Variants in ADAMTSL1 observed in about 807,000 individuals in gnomAD.
The protein encoded by ADAMTSL1 is ADAMTS like 1.
In ADAMTSL1, 126 loss-of-function variants were observed where a neutral mutation model predicts 201.8. The ratio of observed to expected loss-of-function variants is 0.62; its 90% confidence interval spans 0.54 to 0.72. The LOEUF is 0.72. Ranked by LOEUF, ADAMTSL1 falls within the 30% of genes least tolerant of loss-of-function variation. The pLI, the probability that ADAMTSL1 is intolerant of heterozygous loss-of-function variation, is 0.00. For missense variants in ADAMTSL1, 2,679 were observed against 2,277.8 expected, an observed-to-expected ratio of 1.18 and a Z score of -3.59; for synonymous variants, 1,121 against 903.4, an observed-to-expected ratio of 1.24 and a Z score of -4.32.
chr9:18,737,319 CAAAAAA>C lies in ADAMTSL1; in HGVS notation c.2006+15673_2006+15678del, dbSNP rs59511409. Among the ~76,000 whole-genome samples, 58 of 53,672 alleles carry C rather than the reference CAAAAAA, an allele frequency of 1.1e-3. 1 individual carries two copies. The Middle Eastern group carries it at 0.042, about 39-fold the overall frequency. The allele number at this position is 53,672 out of a possible 152,430, so 35.2% of individuals were successfully genotyped here. Reference sequence around the variant, plus strand: ...GCCCAACAAGAGTGAAACTCTGTCTCAAAAAAAAAAAAAAAAAAAAAAAAGTGAAGT... The same window carrying C: ...GCCCAACAAGAGTGAAACTCTGTCTCAAAAAAAAAAAAAAAAAAGTGAAGT... On this transcript the variant is annotated intron_variant, in intron 15 of 28. Transcript: ENST00000380548.
chr9:18,271,111 C>A (rs10963546), intron 2 of ADAMTSL1, among the ~76,000 whole-genome samples: 1 of 151,896 alleles, frequency 6.6e-6, no homozygotes, highest in Admixed American at 6.6e-5. Context: ...GTTCTAGTAA[C>A]TAACATTGCT....
intron 15 of ADAMTSL1, among the ~76,000 whole-genome samples, chr9:18,735,748 C>CTTTTTTTTTTTTTTTTT (rs71333066): frequency 9.4e-6 from 1 of 106,686 alleles, no homozygotes; most frequent in Non-Finnish European, 1.9e-5. Context: ...ATTCTTTTTT[C>CTTTTTTTTTTTTTTTTT]TTTTTTTTTT....
At chr9:18,097,864 G>GC (rs995805002) in intron 1 of ADAMTSL1, among the ~76,000 whole-genome samples, 2 of 146,598 alleles carry the variant, frequency 1.4e-5, no homozygotes, top group Non-Finnish European at 3.0e-5. Flanking sequence ...TATGGTTATT[G>GC]TTTTTTTTTT....
chr9:18,478,184 A>T (rs917967026), intron 1 of ADAMTSL1, among the ~76,000 whole-genome samples: 1 of 152,072 alleles, frequency 6.6e-6, no homozygotes, highest in Non-Finnish European at 1.5e-5. Flanking sequence ...ACAATATTAC[A>T]GTTAGGGTTT....
At chr9:18,825,547 A>T (rs1353598650) in intron 21 of ADAMTSL1, among the ~76,000 whole-genome samples, 1 of 151,992 alleles carries the variant, frequency 6.6e-6, no homozygotes, top group East Asian at 1.9e-4. Flanking sequence ...TGTCTAGTTC[A>T]TACATATATT....
chr9:18,610,248 T>C (rs1825289223), intron 4 of ADAMTSL1, among the ~76,000 whole-genome samples: 1 of 152,220 alleles, frequency 6.6e-6, no homozygotes, highest in Non-Finnish European at 1.5e-5. Flanking sequence ...AAAAATTATA[T>C]TTTCTTAGCA....
chr9:18,815,155 C>T (rs1057368440), intron 20 of ADAMTSL1, among the ~76,000 whole-genome samples: 31 of 152,018 alleles, frequency 2.0e-4, no homozygotes, highest in African/African-American at 7.0e-4. Flanking sequence ...TTAGATGTTC[C>T]TCAAAAAATT....
intron 2 of ADAMTSL1, among the ~76,000 whole-genome samples, chr9:18,227,549 C>T (rs757572197): frequency 4.6e-5 from 7 of 152,168 alleles, no homozygotes; most frequent in Non-Finnish European, 1.0e-4. Flanking sequence ...GCCTAGCTTA[C>T]ATACATCTAG....
chr9:17,935,969 AC>A (rs1163876754), intron 1 of ADAMTSL1, among the ~76,000 whole-genome samples: 1 of 152,064 alleles, frequency 6.6e-6, no homozygotes, highest in Middle Eastern at 3.2e-3. Context: ...CGATCCTCTC[AC>A]CTACCAGTTT....
chr9:17,932,782 T>C (rs995930305), intron 1 of ADAMTSL1, among the ~76,000 whole-genome samples: 1 of 152,228 alleles, frequency 6.6e-6, no homozygotes, highest in African/African-American at 2.4e-5. Flanking sequence ...CTATTCTCCA[T>C]GTTGTCCTTT....
intron 25 of ADAMTSL1, among the ~76,000 whole-genome samples, chr9:18,891,091 CTAAG>C (rs1015352203): frequency 2.0e-5 from 3 of 150,714 alleles, no homozygotes; most frequent in Middle Eastern, 3.6e-3. Flanking sequence ...GGCCACAAAA[CTAAG>C]TAAGTCACAG....
intron 1 of ADAMTSL1, among the ~76,000 whole-genome samples, chr9:18,481,381 C>G (rs1387554762): frequency 1.3e-5 from 2 of 152,024 alleles, no homozygotes; most frequent in Non-Finnish European, 1.5e-5. Context: ...CCCATCTCTA[C>G]TAAAAATACA....
intron 2 of ADAMTSL1, among the ~76,000 whole-genome samples, chr9:18,353,097 T>C (rs1187024024): frequency 6.6e-6 from 1 of 152,220 alleles, no homozygotes; most frequent in African/African-American, 2.4e-5. Context: ...GTGATTACTA[T>C]GCATGGCTGT....
At chr9:18,640,271 G>A (rs1282314608) in intron 7 of ADAMTSL1, among the ~76,000 whole-genome samples, 1 of 152,150 alleles carries the variant, frequency 6.6e-6, no homozygotes, top group Non-Finnish European at 1.5e-5. Flanking sequence ...CCAGCCACAT[G>A]AACGTGAGCA....
chr9:18,039,681 A>T (rs1332723267), intron 1 of ADAMTSL1, among the ~76,000 whole-genome samples: 1 of 152,178 alleles, frequency 6.6e-6, no homozygotes, highest in East Asian at 1.9e-4. Flanking sequence ...TGCTGTGGAG[A>T]CATGCACACG....
intron 5 of ADAMTSL1, among the ~76,000 whole-genome samples, chr9:18,625,278 T>G (rs992865348): frequency 8.5e-5 from 13 of 152,174 alleles, no homozygotes; most frequent in African/African-American, 3.1e-4. Context: ...CCAAGTTTTT[T>G]TTTTTTTTCC....
At chr9:18,051,768 T>C (rs1261432556) in intron 1 of ADAMTSL1, among the ~76,000 whole-genome samples, 4 of 152,216 alleles carry the variant, frequency 2.6e-5, no homozygotes, top group Non-Finnish European at 5.9e-5. Flanking sequence ...ACATCTGCAT[T>C]CTGACACAGC....
chr9:18,504,612 C>T (rs1823021261), intron 1 of ADAMTSL1, among the ~76,000 whole-genome samples: 1 of 152,154 alleles, frequency 6.6e-6, no homozygotes, highest in African/African-American at 2.4e-5. Context: ...AACTTCGTGC[C>T]CACTTCAGTC....
chr9:18,060,659 G>A (rs142143111), intron 1 of ADAMTSL1, among the ~76,000 whole-genome samples: 24 of 152,182 alleles, frequency 1.6e-4, no homozygotes, highest in Non-Finnish European at 2.4e-4. Flanking sequence ...CATTTCTGAC[G>A]ATGACCCTAC....
Sources: gnomAD v4.1 joint callset for allele counts (sites outside exome capture counted in the v4.1 genomes callset) on GRCh38, gnomAD v4.1.1 for gene constraint, MANE v1.5 for transcripts, NCBI Gene and HGNC (gene_info 2026-07-23, HGNC 2026-07-21) for gene names.